The following AMBRA1 variants were observed in gnomAD, a reference collection of about 807,000 sequenced individuals.
The protein encoded by AMBRA1 is activating molecule in BECN1-regulated autophagy protein 1.
A neutral mutation model predicts 125.4 loss-of-function variants in AMBRA1; 47 were observed. That is an observed-to-expected ratio of 0.37 (90% confidence interval 0.30 to 0.48). The LOEUF (loss-of-function observed/expected upper bound fraction) is 0.48, where lower values mean the gene tolerates loss of function less well. Among genes scored for constraint, AMBRA1 ranks in the 20% least tolerant of loss-of-function variants. The probability of loss-of-function intolerance (pLI) is 0.99; values close to 1 mark genes in which losing one functional copy is unlikely to be tolerated. For synonymous variants in AMBRA1, 626 were observed against 655.5 expected (o/e 0.95, Z 0.69); for missense variants, 1,331 against 1,693.4 (o/e 0.79, Z 3.76).
chr11:46,407,540 T>C (rs1946083225), intron 17 of AMBRA1, among the ~76,000 whole-genome samples: 1 of 152,360 alleles, frequency 6.6e-6, no homozygotes, highest in South Asian at 2.1e-4. Context: ...CACCACCTTA[T>C]GGTCATGGCC....
chr11:46,542,420 T>C lies in AMBRA1; in HGVS notation c.1597A>G (p.Met533Val), dbSNP rs1591072211. Residue 533 changes from methionine (M) to valine (V), a missense_variant, in exon 7 of 18, where the codon ATG becomes GTG. Met to Val is a conservative substitution (Grantham distance 21, BLOSUM62 1). Transcript: ENST00000683756. This position sits in a 1 kb window ranked among gnomAD's most constrained non-coding sequence, Gnocchi z 5.9. ...EAPQTQQAQEMLNNNIESERP... is the reference protein window; with the variant it reads ...EAPQTQQAQEVLNNNIESERP... The stretch of plus-strand genomic sequence containing the variant: ...TCAGATTCAATGTTATTGTTGAGCA[T>C]TTCCTGGGCCTGTTGGGTCTGGGGA... The C allele has an allele frequency of 1.9e-6, 3 of 1,614,078 alleles. No homozygotes were observed. The highest frequency in any genetic ancestry group is 1.1e-5 in the South Asian group (1 of 91,062).
chr11:46,567,649 C>T (rs898538592), intron 1 of AMBRA1, among the ~76,000 whole-genome samples: 1 of 152,038 alleles, frequency 6.6e-6, no homozygotes, highest in Non-Finnish European at 1.5e-5. Context: ...GCGTGAGCCA[C>T]CGTGCCCAGC....
At chr11:46,517,471 T>A (rs1951544095) in intron 7 of AMBRA1, among the ~76,000 whole-genome samples, 2 of 86,068 alleles carry the variant, frequency 2.3e-5, no homozygotes, top group Admixed American at 1.4e-4. Flanking sequence ...ATTAATAAGG[T>A]TTTTTTTTTT....
chr11:46,470,704 A>C (rs1402581769), intron 11 of AMBRA1, among the ~76,000 whole-genome samples: 1 of 152,052 alleles, frequency 6.6e-6, no homozygotes, highest in African/African-American at 2.4e-5. Flanking sequence ...GGGTGCTTGC[A>C]GTGAGCCATG....
rs1397458714 is a variant in AMBRA1, at chr11:46,397,632, G to T, written c.3715C>A (p.Pro1239Thr). Residue 1239 changes from proline to threonine, a missense_variant, in exon 18 of 18, where the codon CCT (proline) becomes ACT (threonine). This residue lies in a region of AMBRA1 where 144 missense variants were observed against 133.9 expected (regional missense o/e 1.08). Transcript: ENST00000683756. ...GTTGGCTGGGTTGGCTCCCGCCCAG[G>T]GGTACCAGGCTGGTCCCAGGAAGCT... ...RTASWDQPGTPGREPTQPTLP... is the reference protein window; with the variant it reads ...RTASWDQPGTTGREPTQPTLP... The T allele has an allele frequency of 6.2e-7, 1 of 1,612,008 alleles. No homozygotes were observed. Among genetic ancestry groups the T allele is most frequent in the African/African-American group, 1.3e-5 (1 of 74,896 alleles).
intron 14 of AMBRA1, among the ~76,000 whole-genome samples, chr11:46,422,196 C>T (rs1259140005): frequency 6.6e-6 from 1 of 152,166 alleles, no homozygotes; most frequent in African/African-American, 2.4e-5. Flanking sequence ...ATTGACGAGT[C>T]CTGGTTTCAC....
chr11:46,510,388 T>C (rs535101138), intron 8 of AMBRA1, among the ~76,000 whole-genome samples: 100 of 152,316 alleles, frequency 6.6e-4, no homozygotes, highest in African/African-American at 2.3e-3. Flanking sequence ...GCCCAATATA[T>C]AGAACTCTTC....
rs758957000 is a variant in AMBRA1 at position 46,543,079 on chromosome 11, C to A, written c.938G>T (p.Arg313Leu). 1.9e-6 allele frequency: 3 copies of A among 1,594,502 alleles called. No homozygotes were observed. Among genetic ancestry groups the A allele is most frequent in the Non-Finnish European group, 2.5e-6 (3 of 1,177,600 alleles). The change falls in exon 7 of 18, where the codon CGC (arginine) becomes CTC (leucine). Residue 313 changes from arginine to leucine, a missense_variant. Transcript: ENST00000683756. ...QHLGILCLCSRCSGTRVPSLL... is the reference protein window; with the variant it reads ...QHLGILCLCSLCSGTRVPSLL... ...GGAAGGAACTCGAGTGCCAGAGCAG[C>A]GGCTGCAAAGGCACAGGATCCCAAG... is the stretch of plus-strand genomic sequence containing the variant.
At chr11:46,571,113 T>G (rs936226248) in intron 1 of AMBRA1, among the ~76,000 whole-genome samples, 2 of 152,230 alleles carry the variant, frequency 1.3e-5, no homozygotes, top group African/African-American at 4.8e-5. Context: ...CTCCTTACAA[T>G]GGTTCTGGCT....
intron 9 of AMBRA1, among the ~76,000 whole-genome samples, chr11:46,507,478 C>CAA (rs778680920): frequency 2.1e-3 from 190 of 90,996 alleles, no homozygotes; most frequent in Middle Eastern, 6.0e-3. Flanking sequence ...GACTCCGTCT[C>CAA]AAAAAAAAAA....
At chr11:46,445,808 T>C (rs1948254100) in intron 11 of AMBRA1, among the ~76,000 whole-genome samples, 1 of 152,222 alleles carries the variant, frequency 6.6e-6, no homozygotes, top group Non-Finnish European at 1.5e-5. Context: ...AGAAGGTAAG[T>C]TGATTTTCTC....
At chr11:46,538,220 T>C (rs548464561) in intron 7 of AMBRA1, among the ~76,000 whole-genome samples, 2 of 152,344 alleles carry the variant, frequency 1.3e-5, no homozygotes, top group African/African-American at 2.4e-5. Flanking sequence ...TCAGCCCTTA[T>C]GGTATACGAC....
intron 1 of AMBRA1, among the ~76,000 whole-genome samples, chr11:46,566,751 A>T (rs1033581723): frequency 1.3e-5 from 2 of 152,234 alleles, no homozygotes; most frequent in Non-Finnish European, 2.9e-5. Context: ...TAACCAATCC[A>T]TCTTGCCTTT....
intron 14 of AMBRA1, among the ~76,000 whole-genome samples, chr11:46,420,410 T>G (rs1946796592): frequency 6.6e-6 from 1 of 152,202 alleles, no homozygotes; most frequent in African/African-American, 2.4e-5. Context: ...TCAGCCTCAC[T>G]GTCTGAACGG....
At chr11:46,592,613 C>G (rs1274931753) in intron 1 of AMBRA1, among the ~76,000 whole-genome samples, 2 of 152,064 alleles carry the variant, frequency 1.3e-5, no homozygotes, top group African/African-American at 2.4e-5. Flanking sequence ...CAAAAATTAG[C>G]CGAGTGTGGT....
chr11:46,473,644 G>A (rs1265500870), intron 11 of AMBRA1, among the ~76,000 whole-genome samples: 1 of 152,118 alleles, frequency 6.6e-6, no homozygotes, highest in Admixed American at 6.5e-5. Flanking sequence ...ATCCTTTAAG[G>A]ATTCTTTTTT....
intron 17 of AMBRA1, 27 bp downstream of exon 17, chr11:46,408,486 C>T: frequency 6.7e-7 from 1 of 1,490,390 alleles, no homozygotes. Flanking sequence ...CCCTCTCCCA[C>T]CCCCTCCAGC....
chr11:46,507,520 G>C (rs1382795161), intron 9 of AMBRA1, among the ~76,000 whole-genome samples: 2 of 151,026 alleles, frequency 1.3e-5, no homozygotes, highest in Non-Finnish European at 2.9e-5. Context: ...AAATTCTAGA[G>C]CCTGGGGCTG....
At chr11:46,449,485 A>G (rs1948468848) in intron 11 of AMBRA1, among the ~76,000 whole-genome samples, 1 of 152,354 alleles carries the variant, frequency 6.6e-6, no homozygotes, top group Non-Finnish European at 1.5e-5. Flanking sequence ...TACAAGGTCT[A>G]TAGGAGGAAA....
Sources: gnomAD v4.1 joint callset for allele counts (sites outside exome capture counted in the v4.1 genomes callset) on GRCh38, gnomAD v4.1.1 for gene constraint, gnomAD v4.1.1 regional missense constraint, Gnocchi (gnomAD v3.1) non-coding constraint, MANE v1.5 for transcripts, NCBI Gene and HGNC (gene_info 2026-07-23, HGNC 2026-07-21) for gene names.